TUT4: variants seen among roughly 807,000 people sequenced by gnomAD.
TUT4 encodes the protein terminal uridylyl transferase 4.
Under a neutral mutation model 192.2 loss-of-function variants are expected in TUT4, and 36 were observed. That is an observed-to-expected ratio of 0.19 (90% CI 0.14 to 0.25). TUT4 has a LOEUF of 0.25. Ranked by LOEUF, TUT4 falls within the 10% of genes least tolerant of loss-of-function variation. The pLI is 1.00. For synonymous variants in TUT4, 618 were observed against 666.0 expected (o/e 0.93, Z 1.11); for missense variants, 1,493 against 1,957.2 (o/e 0.76, Z 4.47).
At chr1:52,480,935 T>C (rs1668344207) in intron 11 of TUT4, among the ~76,000 whole-genome samples, 2 of 152,308 alleles carry the variant, frequency 1.3e-5, no homozygotes, top group Admixed American at 1.3e-4. Flanking sequence ...AATGCATCTG[T>C]CCATTTAGAA....
chr1:52,467,032 C>T (rs1011711992), intron 15 of TUT4, among the ~76,000 whole-genome samples: 4 of 152,054 alleles, frequency 2.6e-5, no homozygotes, highest in Non-Finnish European at 4.4e-5. Context: ...GTAGTCCTAA[C>T]GACTTGGGAG....
chr1:52,483,734 CAGG>C (rs1669082787), intron 9 of TUT4, among the ~76,000 whole-genome samples: 1 of 152,112 alleles, frequency 6.6e-6, no homozygotes, highest in African/African-American at 2.4e-5. Context: ...CACTTGAACC[CAGG>C]AGGTAGAGGT....
At chr1:52,545,395 G>GT (rs1687812706) in intron 1 of TUT4, among the ~76,000 whole-genome samples, 1 of 145,610 alleles carries the variant, frequency 6.9e-6, no homozygotes, top group South Asian at 2.2e-4. Flanking sequence ...AAAAAAAAAA[G>GT]TAACCCCACA....
At chr1:52,549,344 A>G (rs1294321115) in intron 1 of TUT4, among the ~76,000 whole-genome samples, 3 of 152,022 alleles carry the variant, frequency 2.0e-5, no homozygotes, top group African/African-American at 7.2e-5. Context: ...TTCCTACCAC[A>G]CTGAATTTCT....
chr1:52,483,995 T>C (rs1188855317), intron 9 of TUT4, among the ~76,000 whole-genome samples: 1 of 151,712 alleles, frequency 6.6e-6, no homozygotes, highest in African/African-American at 2.4e-5. Context: ...TATATATAAT[T>C]GAAAAATTTG....
chr1:52,542,663 C>G (rs1029017854), intron 1 of TUT4, among the ~76,000 whole-genome samples: 6 of 152,172 alleles, frequency 3.9e-5, no homozygotes, highest in Admixed American at 1.3e-4. Context: ...GGAAAACCTA[C>G]AGTAGACATC....
chr1:52,499,707 T>G (rs983619268), intron 4 of TUT4, among the ~76,000 whole-genome samples: 1 of 151,416 alleles, frequency 6.6e-6, no homozygotes, highest in African/African-American at 2.4e-5. Context: ...GCAGTCCAGC[T>G]TGAGCAACAA....
At chr1:52,441,935 G>A (rs756932714) in intron 24 of TUT4, among the ~76,000 whole-genome samples, 4 of 151,926 alleles carry the variant, frequency 2.6e-5, no homozygotes, top group Non-Finnish European at 4.4e-5. Context: ...TTGGGAGGCC[G>A]AGGCGGGCAA....
At position 52,456,488 on chromosome 1, in the gene TUT4, T is replaced by TA. The variant is rs540016246; in HGVS notation, c.3435+1847dup. On this transcript the variant is annotated intron_variant, in intron 20 of 29. Transcript: ENST00000257177. ...CAAAAAAGTCTGAACATTTAAAAAT[T>TA]AAAAAAAAAAAAGAAAGAAAAAGAA... Among the ~76,000 whole-genome samples, 494 of 98,354 alleles carry TA rather than the reference T, an allele frequency of 5.0e-3. 5 individuals are homozygous for TA. Among genetic ancestry groups the TA allele is most frequent in the East Asian group, 0.042 (146 of 3,510 alleles). 64.5% of individuals were successfully genotyped at this position (98,354 alleles called of 152,430 possible). A position where few individuals can be genotyped will look rare whatever the true frequency, so the allele number is the denominator to read the frequency against.
In TUT4 at chr1:52,490,803, TAA is replaced by T. The variant is rs1557831542; in HGVS notation, c.1319-4_1319-3del. The T allele has an allele frequency of 2.5e-6, 4 of 1,603,192 alleles. No homozygotes were observed. The South Asian group carries it at 4.5e-5, about 18-fold the overall frequency. ...CAGATTCCACATCTACATATAATAC[TAA>T]TAAGGAAAAAAAAAAGTAAGCTAAT... On this transcript the variant is annotated splice_region_variant and splice_polypyrimidine_tract_variant and intron_variant, in intron 7 of 29. Coordinates refer to ENST00000257177, the MANE Select transcript of TUT4 (RefSeq NM_001009881.3).
intron 1 of TUT4, among the ~76,000 whole-genome samples, chr1:52,536,985 GAAACCCC>G (rs1685083140): frequency 2.0e-5 from 3 of 152,044 alleles, no homozygotes; most frequent in Admixed American, 2.0e-4. Flanking sequence ...CTAACACGGT[GAAACCCC>G]GTCTCTACTA....
intron 15 of TUT4, among the ~76,000 whole-genome samples, chr1:52,466,085 C>G (rs1305339685): frequency 6.6e-6 from 1 of 152,108 alleles, no homozygotes; most frequent in Non-Finnish European, 1.5e-5. Context: ...ATTTATAGGA[C>G]ACTTTATACT....
chr1:52,504,611 T>C (rs879565967), intron 4 of TUT4, among the ~76,000 whole-genome samples: 5 of 152,074 alleles, frequency 3.3e-5, no homozygotes, highest in Admixed American at 6.6e-5. Flanking sequence ...GTCTGGGCGA[T>C]AGAGCAAGAC....
chr1:52,439,713 A>T (rs1445636626), intron 24 of TUT4, among the ~76,000 whole-genome samples: 48 of 152,258 alleles, frequency 3.2e-4, no homozygotes, highest in Admixed American at 2.6e-3. Flanking sequence ...TTTAGAAAAC[A>T]GTTCCTTGAA....
Position 52,475,217 on chromosome 1 carries a change from T to C in TUT4, c.2342A>G (p.Asn781Ser). Residue 781 changes from asparagine (N) to serine (S), a missense_variant, in exon 13 of 30, where the codon AAC becomes AGC. Coordinates refer to ENST00000257177, the MANE Select transcript of TUT4 (RefSeq NM_001009881.3). Reference protein sequence around the residue: ...CTSQRCIIDNNNLLVNELDFA... With the variant: ...CTSQRCIIDNSNLLVNELDFA... ...ATCTAGTTCATTTACCAACAAATTG[T>C]TGTTGTCAATAATACATCTCTGTGA... 1.9e-6 allele frequency: 3 copies of C among 1,614,178 alleles called. No individual in the cohort carries two copies. The East Asian group carries it at 6.7e-5, about 36-fold the overall frequency.
intron 9 of TUT4, among the ~76,000 whole-genome samples, chr1:52,487,362 G>A (rs976738499): frequency 2.0e-5 from 3 of 152,116 alleles, no homozygotes; most frequent in African/African-American, 4.8e-5. Flanking sequence ...CGCGGCAGGA[G>A]GATCGCTTGA....
intron 1 of TUT4, among the ~76,000 whole-genome samples, chr1:52,540,144 G>C (rs1340125520): frequency 1.3e-5 from 2 of 151,388 alleles, no homozygotes; most frequent in Non-Finnish European, 2.9e-5. Flanking sequence ...GTGTGAACCC[G>C]GGAGGCAGAG....
intron 4 of TUT4, among the ~76,000 whole-genome samples, chr1:52,505,547 G>A (rs1675302972): frequency 6.7e-6 from 1 of 149,308 alleles, no homozygotes; most frequent in South Asian, 2.1e-4. Flanking sequence ...TCAGCCTCTC[G>A]AGTAGCTGGA....
At chr1:52,523,567 C>T (rs1408520918) in intron 2 of TUT4, among the ~76,000 whole-genome samples, 2 of 151,082 alleles carry the variant, frequency 1.3e-5, no homozygotes, top group Non-Finnish European at 2.9e-5. Flanking sequence ...GCACTCCAGC[C>T]GGGGTGACAG....
Sources: allele counts gnomAD v4.1 joint callset (sites outside exome capture counted in the v4.1 genomes callset), GRCh38; gene constraint gnomAD v4.1.1; transcripts MANE v1.5; gene names NCBI Gene and HGNC (gene_info 2026-07-23, HGNC 2026-07-21).